Variants in JAM2 observed in about 807,000 individuals in gnomAD.
JAM2 encodes the protein junctional adhesion molecule B.
Under a neutral mutation model 42.0 loss-of-function variants are expected in JAM2, and 17 were observed. That is an observed-to-expected ratio of 0.40 (90% CI 0.28 to 0.61). The LOEUF (loss-of-function observed/expected upper bound fraction) is 0.61. Ranked by LOEUF, JAM2 falls within the 20% of genes least tolerant of loss-of-function variation. The probability of loss-of-function intolerance (pLI) is 0.37; values close to 1 mark genes in which losing one functional copy is unlikely to be tolerated. For missense variants in JAM2, 319 were observed against 358.3 expected, an observed-to-expected ratio of 0.89 and a Z score of 0.89; for synonymous variants, 118 against 128.6, an observed-to-expected ratio of 0.92 and a Z score of 0.56.
chr21:25,640,364 T>C (rs2032398485), intron 1 of JAM2, among the ~76,000 whole-genome samples: 1 of 152,322 alleles, frequency 6.6e-6, no homozygotes, highest in East Asian at 1.9e-4. Context: ...GCCGGCGATA[T>C]GCAGCGCACT....
At chr21:25,671,271 G>A (rs1355668676) in intron 1 of JAM2, among the ~76,000 whole-genome samples, 3 of 149,372 alleles carry the variant, frequency 2.0e-5, no homozygotes, top group African/African-American at 7.3e-5. Context: ...TGTGGAGTGG[G>A]ATATTAGTTC....
Position 25,639,811 on chromosome 21 carries a change from G to T in JAM2, c.-11G>T. 6.4e-7 allele frequency: 1 copy of T among 1,573,948 alleles called. No homozygotes were observed. The highest frequency in any genetic ancestry group is 8.6e-7 in the Non-Finnish European group (1 of 1,163,146). ...GACCTCCTCAGAGCAGCCGGCTGCCGCCCCGGGAAGATGGCGAGGAGGAGC... is the reference window on the plus strand; with the variant it reads ...GACCTCCTCAGAGCAGCCGGCTGCCTCCCCGGGAAGATGGCGAGGAGGAGC... On this transcript the variant is annotated 5_prime_UTR_variant, in exon 1 of 10. Coordinates refer to ENST00000480456, the MANE Select transcript of JAM2 (RefSeq NM_021219.4).
intron 1 of JAM2, among the ~76,000 whole-genome samples, chr21:25,681,042 G>C (rs1047720689): frequency 2.0e-5 from 3 of 152,196 alleles, no homozygotes; most frequent in African/African-American, 7.2e-5. Flanking sequence ...AGGGTCAGTA[G>C]ACCACAGGAA....
intron 9 of JAM2, 132 bp from the exon 10 acceptor site, chr21:25,714,508 A>G: frequency 1.5e-6 from 1 of 679,470 alleles, no homozygotes; most frequent in South Asian, 2.2e-5. Context: ...AAAAAATAAA[A>G]TAAATAAATA....
intron 7 of JAM2, among the ~76,000 whole-genome samples, chr21:25,708,057 A>C (rs1443776932): frequency 6.6e-6 from 1 of 152,060 alleles, no homozygotes; most frequent in African/African-American, 2.4e-5. Flanking sequence ...TCTGTTGTTC[A>C]GGCTGGTATT....
At chr21:25,650,168 T>A (rs1438951901) in intron 1 of JAM2, among the ~76,000 whole-genome samples, 4 of 152,210 alleles carry the variant, frequency 2.6e-5, no homozygotes, top group African/African-American at 9.6e-5. Flanking sequence ...GAACTCAATT[T>A]CCTATACATG....
At chr21:25,640,105 C>G (rs561666141) in intron 1 of JAM2, among the ~76,000 whole-genome samples, 1 of 152,220 alleles carries the variant, frequency 6.6e-6, no homozygotes, top group Admixed American at 6.5e-5. Flanking sequence ...TTGTGAATTG[C>G]GTCTGATTTT....
chr21:25,683,436 G>A (rs1159612718), intron 1 of JAM2, among the ~76,000 whole-genome samples: 1 of 152,008 alleles, frequency 6.6e-6, no homozygotes, highest in Non-Finnish European at 1.5e-5. Context: ...TCAAAAGTAT[G>A]TAAAATGACT....
chr21:25,717,428 C>T lies in JAM2; in HGVS notation c.*2756C>T. ...GTTTTAATTATTGTTGCTGTTGTAACTAGATTTAATTTATTTTTAGTTGGA... is the reference window on the plus strand; with the variant it reads ...GTTTTAATTATTGTTGCTGTTGTAATTAGATTTAATTTATTTTTAGTTGGA... On this transcript the variant is annotated 3_prime_UTR_variant, in exon 10 of 10. Coordinates refer to ENST00000480456, the MANE Select transcript of JAM2 (RefSeq NM_021219.4). The T allele has an allele frequency of 2.6e-6, 1 of 391,338 alleles. No individual in the cohort carries two copies. The allele number at this position is 391,338 out of a possible 1,614,324, so 24.2% of individuals were successfully genotyped here.
intron 8 of JAM2, chr21:25,711,621 G>A (rs1184010802): frequency 3.2e-6 from 1 of 315,224 alleles, no homozygotes; most frequent in South Asian, 2.6e-5. Context: ...AGAATTAGCA[G>A]TAATAAAGCC....
intron 1 of JAM2, among the ~76,000 whole-genome samples, chr21:25,663,597 C>T (rs571685437): frequency 7.2e-4 from 109 of 152,066 alleles, no homozygotes; most frequent in African/African-American, 2.5e-3. Flanking sequence ...ATCATAGGAG[C>T]GGGACTGGTG....
chr21:25,646,871 T>A (rs1297214411), intron 1 of JAM2, among the ~76,000 whole-genome samples: 1 of 152,232 alleles, frequency 6.6e-6, no homozygotes, highest in African/African-American at 2.4e-5. Flanking sequence ...TGGAGAGCTC[T>A]GCTTTTCTTT....
At chr21:25,698,292 C>T (rs567756942) in intron 4 of JAM2, among the ~76,000 whole-genome samples, 7 of 152,304 alleles carry the variant, frequency 4.6e-5, no homozygotes, top group South Asian at 2.1e-4. Context: ...CAATATATGA[C>T]GTTCCAAGGT....
chr21:25,674,866 T>C (rs1353501971), intron 1 of JAM2, among the ~76,000 whole-genome samples: 1 of 151,992 alleles, frequency 6.6e-6, no homozygotes, highest in African/African-American at 2.4e-5. Flanking sequence ...TTTCTATTAA[T>C]ATACATATTT....
At chr21:25,687,791 G>A (rs1299374183) in intron 2 of JAM2, among the ~76,000 whole-genome samples, 1 of 152,044 alleles carries the variant, frequency 6.6e-6, no homozygotes, top group Non-Finnish European at 1.5e-5. Context: ...TAAACCTTTG[G>A]TCAAATATCA....
chr21:25,694,201 T>G (rs1282442686), intron 4 of JAM2, among the ~76,000 whole-genome samples: 1 of 152,212 alleles, frequency 6.6e-6, no homozygotes, highest in Admixed American at 6.5e-5. Context: ...TCCTGAGAGT[T>G]TATTTTTCAA....
chr21:25,639,815 C>T lies in JAM2; in HGVS notation c.-7C>T. 13 of 1,578,198 alleles carry T rather than the reference C, an allele frequency of 8.2e-6. No homozygotes were observed. The highest frequency in any genetic ancestry group is 1.1e-5 in the Non-Finnish European group (13 of 1,165,202). ...TCCTCAGAGCAGCCGGCTGCCGCCC[C>T]GGGAAGATGGCGAGGAGGAGCCGCC... On this transcript the variant is annotated 5_prime_UTR_variant, in exon 1 of 10. Coordinates refer to ENST00000480456, the MANE Select transcript of JAM2 (RefSeq NM_021219.4).
intron 4 of JAM2, among the ~76,000 whole-genome samples, chr21:25,695,287 G>A (rs868451945): frequency 3.9e-5 from 6 of 152,164 alleles, no homozygotes; most frequent in African/African-American, 9.7e-5. Context: ...CAGAGAGCAC[G>A]GGGTTGGGGG....
At chr21:25,683,159 T>TC (rs11380732) in intron 1 of JAM2, among the ~76,000 whole-genome samples, 152,140 of 152,148 alleles carry the variant, frequency 1, 76,066 homozygotes, top group Middle Eastern at 1. Context: ...ACCCAGTACT[T>TC]CCTGTCTCCT....
Sources: gnomAD v4.1 joint callset for allele counts (sites outside exome capture counted in the v4.1 genomes callset) on GRCh38, gnomAD v4.1.1 for gene constraint, MANE v1.5 for transcripts, NCBI Gene and HGNC (gene_info 2026-07-23, HGNC 2026-07-21) for gene names.